TRAPPC9: variants seen among roughly 807,000 people sequenced by gnomAD.
TRAPPC9 encodes IKK2 binding protein.
In TRAPPC9, 83 loss-of-function variants were observed where a neutral mutation model predicts 124.0. That is an observed-to-expected ratio of 0.67 (90% confidence interval 0.56 to 0.80). TRAPPC9 has a LOEUF of 0.80. TRAPPC9 is among the 30% of genes least tolerant of loss of function. TRAPPC9 has a pLI of 0.00. For missense variants in TRAPPC9, 1,302 were observed against 1,508.3 expected, an observed-to-expected ratio of 0.86 and a Z score of 2.27; for synonymous variants, 638 against 617.5, an observed-to-expected ratio of 1.03 and a Z score of -0.49.
chr8:140,110,240 C>A, intron 17 of TRAPPC9, among the ~76,000 whole-genome samples: 1 of 141,210 alleles, frequency 7.1e-6, no homozygotes, highest in Non-Finnish European at 1.6e-5. Context: ...GCAGCTCCCC[C>A]TGTAGCAGCT....
At chr8:140,090,458 C>A (rs544377128) in intron 17 of TRAPPC9, among the ~76,000 whole-genome samples, 1 of 152,220 alleles carries the variant, frequency 6.6e-6, no homozygotes. Context: ...CTTCACCTGA[C>A]ATTAAACAGC....
chr8:139,836,391 G>A (rs1331226483), intron 21 of TRAPPC9, among the ~76,000 whole-genome samples: 4 of 152,174 alleles, frequency 2.6e-5, no homozygotes, highest in African/African-American at 4.8e-5. Flanking sequence ...CCCTGCGCCC[G>A]GCACTCGATG....
intron 12 of TRAPPC9, among the ~76,000 whole-genome samples, chr8:140,288,526 A>G (rs62527538): frequency 0.14 from 21,096 of 152,150 alleles, 2,068 homozygotes; most frequent in African/African-American, 0.27. Flanking sequence ...CAGGTATGTC[A>G]GCCCTCAGGA....
chr8:140,055,891 T>G (rs1467865057), intron 17 of TRAPPC9, among the ~76,000 whole-genome samples: 1 of 152,034 alleles, frequency 6.6e-6, no homozygotes, highest in African/African-American at 2.4e-5. Context: ...ATTCATAGAT[T>G]GAAAAAATTA....
At position 140,051,995 on chromosome 8, in the gene TRAPPC9, C is replaced by T. The variant is rs1013933274; in HGVS notation, c.2557-27916G>A. On this transcript the variant is annotated intron_variant, in intron 17 of 22. Transcript: ENST00000438773. The stretch of plus-strand genomic sequence containing the variant: ...GACTGCAGAGAAGAAAACGTTCTCC[C>T]CCACTTGCAGCTTCTCTCCAGCACC... Among the ~76,000 whole-genome samples, 7 of 152,224 alleles carry T rather than the reference C, an allele frequency of 4.6e-5. No homozygotes were observed. The East Asian group carries it at 1.2e-3, about 25-fold the overall frequency.
chr8:139,834,259 G>A (rs1826183163), intron 21 of TRAPPC9, among the ~76,000 whole-genome samples: 1 of 152,216 alleles, frequency 6.6e-6, no homozygotes, highest in South Asian at 2.1e-4. Flanking sequence ...TCAAGGTTAG[G>A]TATTCTTGCA....
Position 140,415,622 on chromosome 8 carries a change from T to A in TRAPPC9, c.887-9924A>T, listed in dbSNP as rs1427875190. Among the ~76,000 whole-genome samples the A allele has an allele frequency of 3.9e-5, 6 of 152,010 alleles. No homozygotes were observed. The East Asian group carries it at 7.8e-4, about 20-fold the overall frequency. Reference sequence around the variant, plus strand: ...AAAAGCCATAATATACTAAAAATGATATGCCACAAAAGCAGTGCATAGAGG... The same window carrying A: ...AAAAGCCATAATATACTAAAAATGAAATGCCACAAAAGCAGTGCATAGAGG... On this transcript the variant is annotated intron_variant, in intron 5 of 22. Coordinates refer to ENST00000438773, the MANE Select transcript of TRAPPC9 (RefSeq NM_001160372.4).
intron 16 of TRAPPC9, among the ~76,000 whole-genome samples, chr8:140,249,390 A>G (rs1271295158): frequency 6.6e-6 from 1 of 152,200 alleles, no homozygotes; most frequent in Non-Finnish European, 1.5e-5. Context: ...ATAGTCTTCC[A>G]GGGTGTATAT....
At chr8:140,061,659 T>A (rs976603077) in intron 17 of TRAPPC9, among the ~76,000 whole-genome samples, 1 of 152,056 alleles carries the variant, frequency 6.6e-6, no homozygotes, top group African/African-American at 2.4e-5. Flanking sequence ...GACAGGCGAA[T>A]GAAGTGGAAG....
chr8:139,797,800 T>C (rs1823206867), intron 21 of TRAPPC9, among the ~76,000 whole-genome samples: 1 of 152,240 alleles, frequency 6.6e-6, no homozygotes, highest in African/African-American at 2.4e-5. Flanking sequence ...TGAAAATCGC[T>C]TGGCCGTAAA....
At chr8:139,867,076 C>T (rs556755867) in intron 21 of TRAPPC9, among the ~76,000 whole-genome samples, 76 of 152,278 alleles carry the variant, frequency 5.0e-4, no homozygotes, top group African/African-American at 1.8e-3. Context: ...TCAAGTGATC[C>T]GCCCGCCTTG....
rs1054493099 is a variant in TRAPPC9, at chr8:139,729,811, A to G, written c.*1250T>C. On this transcript the variant is annotated 3_prime_UTR_variant, in exon 23 of 23. Transcript: ENST00000438773. ...CTTCCTGGCTCTGCCTGTTTGGCCA[A>G]CTGGCCTTTAGGAAGCCCCGCTCTC... Among the ~76,000 whole-genome samples, 2 of 152,144 alleles carry G rather than the reference A, an allele frequency of 1.3e-5. No homozygotes were observed. Among genetic ancestry groups the G allele is most frequent in the Non-Finnish European group, 2.9e-5 (2 of 68,006 alleles).
At chr8:139,790,362 G>C (rs1399184004) in intron 21 of TRAPPC9, among the ~76,000 whole-genome samples, 1 of 152,218 alleles carries the variant, frequency 6.6e-6, no homozygotes, top group Non-Finnish European at 1.5e-5. Flanking sequence ...GAGAATGAAA[G>C]AGACCGGGGA....
chr8:140,132,165 G>A (rs1180379335), intron 17 of TRAPPC9, among the ~76,000 whole-genome samples: 1 of 152,152 alleles, frequency 6.6e-6, no homozygotes, highest in Non-Finnish European at 1.5e-5. Flanking sequence ...AGTGACTGAT[G>A]GGGACTTTCT....
chr8:140,221,650 G>C (rs772323694), intron 16 of TRAPPC9, 67 bp from the exon 17 acceptor site: 105 of 1,552,746 alleles, frequency 6.8e-5, no homozygotes, highest in Non-Finnish European at 8.8e-5. Flanking sequence ...TGTTGTTGTT[G>C]TTGTTTGGGA....
intron 9 of TRAPPC9, among the ~76,000 whole-genome samples, chr8:140,312,486 G>T (rs1002347657): frequency 6.6e-6 from 1 of 152,094 alleles, no homozygotes; most frequent in Non-Finnish European, 1.5e-5. Context: ...GGATAAATGC[G>T]ATAATACATT....
At chr8:140,270,005 C>G (rs1327307376) in intron 15 of TRAPPC9, among the ~76,000 whole-genome samples, 1 of 151,988 alleles carries the variant, frequency 6.6e-6, no homozygotes, top group Non-Finnish European at 1.5e-5. Context: ...GAGGCTGAGG[C>G]AGGAGAATCT....
chr8:139,936,403 C>A (rs1047508040), intron 19 of TRAPPC9, among the ~76,000 whole-genome samples: 1 of 152,250 alleles, frequency 6.6e-6, no homozygotes, highest in Non-Finnish European at 1.5e-5. Flanking sequence ...GCAGCCCCTG[C>A]AATCAGGCAC....
At chr8:139,877,497 T>G (rs1829397567) in intron 21 of TRAPPC9, among the ~76,000 whole-genome samples, 1 of 152,336 alleles carries the variant, frequency 6.6e-6, no homozygotes, top group South Asian at 2.1e-4. Context: ...CAGCCCGATG[T>G]GCAGATTCGG....
Sources: allele counts gnomAD v4.1 joint callset (sites outside exome capture counted in the v4.1 genomes callset), GRCh38; gene constraint gnomAD v4.1.1; transcripts MANE v1.5; gene names NCBI Gene and HGNC (gene_info 2026-07-23, HGNC 2026-07-21).